CELF2: variants seen among roughly 807,000 people sequenced by gnomAD.
CELF2 encodes CUG triplet repeat RNA-binding protein 2.
Under a neutral mutation model 62.6 loss-of-function variants are expected in CELF2, and 8 were observed. That is an observed-to-expected ratio of 0.13 (90% CI 0.07 to 0.23). CELF2 has a LOEUF of 0.23. Ranked by LOEUF, CELF2 falls within the 10% of genes least tolerant of loss-of-function variation. The pLI is 1.00. For missense variants in CELF2, 333 were observed against 671.0 expected, an observed-to-expected ratio of 0.50 and a Z score of 5.56; for synonymous variants, 258 against 250.0, an observed-to-expected ratio of 1.03 and a Z score of -0.30.
chr10:10,487,586 GA>G, the CELF2 span, among the ~76,000 whole-genome samples: 13 of 151,860 alleles, frequency 8.6e-5, no homozygotes, highest in South Asian at 2.7e-3. Context: ...CCTGTGAAAA[GA>G]AAAAAATGCT....
At chr10:10,508,168 C>CA in the CELF2 span, among the ~76,000 whole-genome samples, 45 of 149,090 alleles carry the variant, frequency 3.0e-4, no homozygotes, top group African/African-American at 8.7e-4. Context: ...CAGACAAATA[C>CA]AAAAAAAAAA....
chr10:10,734,908 G>A, the CELF2 span, among the ~76,000 whole-genome samples: 14 of 152,138 alleles, frequency 9.2e-5, no homozygotes, highest in African/African-American at 3.4e-4. Flanking sequence ...AATTTCAAGG[G>A]CATTTCCCAG....
the CELF2 span, among the ~76,000 whole-genome samples, chr10:10,745,650 C>T: frequency 3.9e-5 from 6 of 152,270 alleles, no homozygotes; most frequent in East Asian, 5.8e-4. Context: ...CTACAAAGAC[C>T]GCCTATCTTC....
intron 1 of CELF2, among the ~76,000 whole-genome samples, chr10:11,112,753 G>A (rs1426010810): frequency 5.9e-5 from 9 of 152,226 alleles, no homozygotes; most frequent in Admixed American, 5.9e-4. Context: ...TATAGACAAA[G>A]GTATGGCAAG....
Position 11,178,952 on chromosome 10 carries a change from C to T in CELF2, c.271+13270C>T, listed in dbSNP as rs2072264626. Among the ~76,000 whole-genome samples the T allele has an allele frequency of 6.6e-6, 1 of 152,252 alleles. No individual in the cohort carries two copies. The highest frequency in any genetic ancestry group is 6.5e-5 in the Admixed American group (1 of 15,284). ...AAAGTCAGGAAACCGTTAAACCACACTGCATCCTCTCTTGCCCTCTGGCCA... is the reference window on the plus strand; with the variant it reads ...AAAGTCAGGAAACCGTTAAACCACATTGCATCCTCTCTTGCCCTCTGGCCA... On this transcript the variant is annotated intron_variant, in intron 2 of 12. Coordinates refer to ENST00000633077, the MANE Select transcript of CELF2 (RefSeq NM_001326342.2). This position sits in a 1 kb window ranked among gnomAD's most constrained non-coding sequence, Gnocchi z 4.3.
intron 1 of CELF2, among the ~76,000 whole-genome samples, chr10:10,908,591 A>C (rs1351486197): frequency 6.6e-6 from 1 of 152,176 alleles, no homozygotes; most frequent in Non-Finnish European, 1.5e-5. Flanking sequence ...CTTCAGGAGA[A>C]AGAAGCATTT....
chr10:10,746,259 G>A, the CELF2 span, among the ~76,000 whole-genome samples: 157 of 152,250 alleles, frequency 1.0e-3, no homozygotes, highest in South Asian at 0.028. Context: ...GCAAAACACC[G>A]GGATAACAGA....
rs1491260291 is a variant in CELF2 at position 11,197,002 on chromosome 10, G to GAAAGAAAGAAAA, written c.272-20422_272-20421insAAGAAAGAAAAA. ...GAGAGAAAGAAAGAAAGGAAGGAAG[G>GAAAGAAAGAAAA]AGAAAGAAAGAAAGAAAGAAAGAAA... On this transcript the variant is annotated intron_variant, in intron 2 of 12. Coordinates refer to ENST00000633077, the MANE Select transcript of CELF2 (RefSeq NM_001326342.2). 7.2e-4 allele frequency among the ~76,000 whole-genome samples: 10 copies of GAAAGAAAGAAAA among 13,892 alleles called. 1 individual carries two copies. Among genetic ancestry groups the GAAAGAAAGAAAA allele is most frequent in the African/African-American group, 3.0e-3 (10 of 3,382 alleles). 9.1% of individuals were successfully genotyped at this position (13,892 alleles called of 152,430 possible).
chr10:11,203,715 T>C (rs931967986), intron 2 of CELF2, among the ~76,000 whole-genome samples: 7 of 152,222 alleles, frequency 4.6e-5, no homozygotes, highest in Admixed American at 3.9e-4. Context: ...ATGGACCCTT[T>C]TCAGAATTAC....
chr10:11,301,761 C>T (rs1476143395), intron 9 of CELF2, among the ~76,000 whole-genome samples: 1 of 151,674 alleles, frequency 6.6e-6, no homozygotes, highest in Non-Finnish European at 1.5e-5. Context: ...TTCTGAAGCT[C>T]TTCCTATTTT....
chr10:11,218,234 A>G (rs2063836507), intron 3 of CELF2, among the ~76,000 whole-genome samples: 1 of 152,238 alleles, frequency 6.6e-6, no homozygotes, highest in South Asian at 2.1e-4. Flanking sequence ...CCCAAATATC[A>G]GTGATGAGTT....
intron 1 of CELF2, among the ~76,000 whole-genome samples, chr10:10,806,716 T>C (rs1005119595): frequency 6.6e-6 from 1 of 152,168 alleles, no homozygotes; most frequent in African/African-American, 2.4e-5. Context: ...CAGTTCTCAT[T>C]GATGACAAGT....
chr10:10,520,291 A>G, the CELF2 span, among the ~76,000 whole-genome samples: 2 of 152,258 alleles, frequency 1.3e-5, no homozygotes, highest in Non-Finnish European at 2.9e-5. Context: ...TTCAACATTC[A>G]CTGATGTCAA....
the CELF2 span, among the ~76,000 whole-genome samples, chr10:10,711,499 C>G: frequency 6.6e-6 from 1 of 152,140 alleles, no homozygotes; most frequent in Non-Finnish European, 1.5e-5. Context: ...CCATTCCTGA[C>G]CTGCACAGAG....
intron 2 of CELF2, among the ~76,000 whole-genome samples, chr10:10,991,073 A>T (rs909708487): frequency 1.3e-5 from 2 of 152,024 alleles, no homozygotes; most frequent in Admixed American, 1.3e-4. Flanking sequence ...TTAGGCAGAG[A>T]AAGCCGAGTT....
the CELF2 span, among the ~76,000 whole-genome samples, chr10:10,738,148 T>C: frequency 2.0e-5 from 3 of 152,204 alleles, no homozygotes; most frequent in African/African-American, 7.2e-5. Context: ...GGTTTCACTT[T>C]TGCTTTTTAT....
chr10:10,904,255 C>A (rs1011473305), intron 1 of CELF2, among the ~76,000 whole-genome samples: 9 of 134,070 alleles, frequency 6.7e-5, no homozygotes, highest in African/African-American at 2.2e-4. Flanking sequence ...GAGACAGGGT[C>A]TCCTTCTGTC....
At chr10:11,256,044 GAGAC>G (rs1001693164) in intron 4 of CELF2, among the ~76,000 whole-genome samples, 43 of 152,320 alleles carry the variant, frequency 2.8e-4, no homozygotes, top group African/African-American at 9.6e-4. Context: ...AAATCTTTTG[GAGAC>G]AGACAGAAGC....
intron 1 of CELF2, among the ~76,000 whole-genome samples, chr10:11,077,138 G>A (rs781580434): frequency 7.9e-5 from 12 of 152,134 alleles, no homozygotes; most frequent in Non-Finnish European, 1.8e-4. Context: ...GAATGTCTCC[G>A]TGGTGGTAGT....
Sources: gnomAD v4.1 joint callset for allele counts (sites outside exome capture counted in the v4.1 genomes callset) on GRCh38, gnomAD v4.1.1 for gene constraint, Gnocchi (gnomAD v3.1) non-coding constraint, MANE v1.5 for transcripts, NCBI Gene and HGNC (gene_info 2026-07-23, HGNC 2026-07-21) for gene names.